CFAP299: variants seen among roughly 807,000 people sequenced by gnomAD.
The protein encoded by CFAP299 is cilia and flagella associated protein 299.
In CFAP299, 21 loss-of-function variants were observed where a neutral mutation model predicts 27.0. The observed-to-expected ratio is 0.78, with a 90% CI of 0.55 to 1.12. The LOEUF (loss-of-function observed/expected upper bound fraction) is 1.12, where lower values mean the gene tolerates loss of function less well. CFAP299 is among the 50% of genes most tolerant of loss of function. The probability of loss-of-function intolerance (pLI) is 0.00; values close to 1 mark genes in which losing one functional copy is unlikely to be tolerated. For missense variants in CFAP299, 310 were observed against 276.6 expected, an observed-to-expected ratio of 1.12 and a Z score of -0.86; for synonymous variants, 104 against 98.1, an observed-to-expected ratio of 1.06 and a Z score of -0.36.
At chr4:80,710,490 TTTTTTTTTTTA>T (rs1722086154) in intron 3 of CFAP299, among the ~76,000 whole-genome samples, 1 of 113,606 alleles carries the variant, frequency 8.8e-6, no homozygotes, top group African/African-American at 2.7e-5. Context: ...TTTCTTTTTT[TTTTTTTTTTTA>T]AAAAAAAAAA....
intron 4 of CFAP299, among the ~76,000 whole-genome samples, chr4:80,874,287 G>A (rs1733261901): frequency 1.3e-5 from 2 of 152,110 alleles, no homozygotes; most frequent in South Asian, 2.1e-4. Context: ...TACTTTGAGC[G>A]AAAACCTACT....
intron 4 of CFAP299, among the ~76,000 whole-genome samples, chr4:80,921,323 G>C (rs1736032991): frequency 6.6e-6 from 1 of 152,072 alleles, no homozygotes; most frequent in Admixed American, 6.6e-5. Flanking sequence ...AGATAGATAT[G>C]TTCAGTGTGT....
chr4:80,801,941 T>G (rs1182530474), intron 3 of CFAP299, among the ~76,000 whole-genome samples: 1 of 152,100 alleles, frequency 6.6e-6, no homozygotes, highest in African/African-American at 2.4e-5. Flanking sequence ...CACAACAGTG[T>G]TTTGCAAGCA....
intron 2 of CFAP299, among the ~76,000 whole-genome samples, chr4:80,513,430 AC>A (rs1374722418): frequency 6.6e-6 from 1 of 152,124 alleles, no homozygotes; most frequent in Non-Finnish European, 1.5e-5. Flanking sequence ...ATTACTTCAT[AC>A]TAGCATATTT....
At chr4:80,375,204 G>T (rs1384767598) in intron 2 of CFAP299, among the ~76,000 whole-genome samples, 1 of 152,122 alleles carries the variant, frequency 6.6e-6, no homozygotes, top group African/African-American at 2.4e-5. Flanking sequence ...AGAAGATCGT[G>T]GTCCATAGAA....
At chr4:80,602,349 C>T (rs56661575) in intron 3 of CFAP299, among the ~76,000 whole-genome samples, 11,640 of 152,138 alleles carry the variant, frequency 0.077, 657 homozygotes, top group East Asian at 0.26. Context: ...GTTGTACAGG[C>T]TTATCCTCGT....
At chr4:80,883,783 A>G (rs1221301814) in intron 4 of CFAP299, among the ~76,000 whole-genome samples, 1 of 152,226 alleles carries the variant, frequency 6.6e-6, no homozygotes, top group Non-Finnish European at 1.5e-5. Context: ...CCAAATATCA[A>G]CAGATTTGAA....
At chr4:80,743,825 A>G (rs967517364) in intron 3 of CFAP299, among the ~76,000 whole-genome samples, 1 of 152,198 alleles carries the variant, frequency 6.6e-6, no homozygotes, top group Non-Finnish European at 1.5e-5. Context: ...CCATACTTAA[A>G]GTAAAATTTA....
intron 2 of CFAP299, among the ~76,000 whole-genome samples, chr4:80,403,929 C>G (rs28715502): frequency 0.012 from 1,794 of 152,160 alleles, 20 homozygotes; most frequent in Non-Finnish European, 0.019. Context: ...GTATTATGAA[C>G]AAGGTAGCAG....
At chr4:80,916,872 A>G (rs890650881) in intron 4 of CFAP299, among the ~76,000 whole-genome samples, 2 of 152,114 alleles carry the variant, frequency 1.3e-5, no homozygotes, top group African/African-American at 4.8e-5. Context: ...AGGTGAAGTA[A>G]TATGTTCCAT....
chr4:80,483,126 G>C (rs1039698366), intron 2 of CFAP299, among the ~76,000 whole-genome samples: 2 of 152,230 alleles, frequency 1.3e-5, no homozygotes, highest in African/African-American at 4.8e-5. Context: ...AAAGGTGGAG[G>C]AGGGGGGCAG....
intron 3 of CFAP299, among the ~76,000 whole-genome samples, chr4:80,834,789 T>G (rs1252564101): frequency 2.0e-5 from 3 of 152,192 alleles, no homozygotes; most frequent in Non-Finnish European, 2.9e-5. Context: ...TTGGTTGAGC[T>G]GGGTGCTTGT....
At chr4:80,827,803 T>C (rs746944416) in intron 3 of CFAP299, among the ~76,000 whole-genome samples, 27 of 151,986 alleles carry the variant, frequency 1.8e-4, no homozygotes, top group Non-Finnish European at 3.7e-4. Context: ...TAGAAAACCC[T>C]ACAGGTTCCA....
intron 3 of CFAP299, among the ~76,000 whole-genome samples, chr4:80,599,715 C>T (rs1737231456): frequency 6.6e-6 from 1 of 152,052 alleles, no homozygotes; most frequent in South Asian, 2.1e-4. Context: ...TGAGGGCCTG[C>T]TTCTCCTGAT....
intron 3 of CFAP299, among the ~76,000 whole-genome samples, chr4:80,682,050 G>A (rs1236750619): frequency 1.3e-5 from 2 of 152,120 alleles, no homozygotes. Context: ...TAATGAATGG[G>A]CTGGATTCAG....
intron 3 of CFAP299, among the ~76,000 whole-genome samples, chr4:80,770,265 G>T (rs1726134419): frequency 2.0e-5 from 3 of 151,764 alleles, no homozygotes; most frequent in Non-Finnish European, 4.4e-5. Context: ...TTCATTTTTT[G>T]TTCCTCTTCC....
chr4:80,503,425 G>C (rs1453017235), intron 2 of CFAP299, among the ~76,000 whole-genome samples: 1 of 151,988 alleles, frequency 6.6e-6, no homozygotes, highest in East Asian at 1.9e-4. Flanking sequence ...TCTTTTGCAA[G>C]TTTCCCACAT....
intron 1 of CFAP299, among the ~76,000 whole-genome samples, chr4:80,344,883 T>TA (rs377596845): frequency 7.2e-5 from 11 of 152,104 alleles, no homozygotes; most frequent in South Asian, 2.1e-4. Flanking sequence ...ATAACTAAAA[T>TA]AAAAAACCAC....
chr4:80,929,379 A>G (rs1736467151), intron 4 of CFAP299, among the ~76,000 whole-genome samples: 1 of 151,458 alleles, frequency 6.6e-6, no homozygotes, highest in Non-Finnish European at 1.5e-5. Flanking sequence ...TCTCTGTAGC[A>G]CCACTATCCC....
Sources: allele counts gnomAD v4.1 joint callset (sites outside exome capture counted in the v4.1 genomes callset), GRCh38; gene constraint gnomAD v4.1.1; transcripts MANE v1.5; gene names NCBI Gene and HGNC (gene_info 2026-07-23, HGNC 2026-07-21).